The following CACNG5 variants were observed in gnomAD, a reference collection of about 807,000 sequenced individuals.
CACNG5 encodes voltage-dependent calcium channel gamma-5 subunit.
A neutral mutation model predicts 24.8 loss-of-function variants in CACNG5; 18 were observed. That is an observed-to-expected ratio of 0.73 (90% CI 0.50 to 1.08). The LOEUF (loss-of-function observed/expected upper bound fraction) is 1.08. CACNG5 is among the 50% of genes least tolerant of loss of function. The pLI is 0.00. For synonymous variants in CACNG5, 157 were observed against 149.1 expected, an observed-to-expected ratio of 1.05 and a Z score of -0.39; for missense variants, 349 against 367.9, an observed-to-expected ratio of 0.95 and a Z score of 0.42.
intron 1 of CACNG5, among the ~76,000 whole-genome samples, chr17:66,861,226 G>A (rs1290706079): frequency 1.3e-5 from 2 of 152,304 alleles, no homozygotes; most frequent in Non-Finnish European, 2.9e-5. Context: ...ATGACATCAA[G>A]TGGTAACTCA....
chr17:66,870,457 G>T (rs1000952412), intron 1 of CACNG5, among the ~76,000 whole-genome samples: 3 of 152,200 alleles, frequency 2.0e-5, no homozygotes, highest in Non-Finnish European at 4.4e-5. Context: ...ACCAACATCT[G>T]GTGGATAGAG....
chr17:66,855,331 C>G (rs1387478523), intron 1 of CACNG5, among the ~76,000 whole-genome samples: 2 of 152,214 alleles, frequency 1.3e-5, no homozygotes, highest in African/African-American at 2.4e-5. Context: ...TAATTGGCCC[C>G]AGGCCCGGGG....
chr17:66,874,430 G>A (rs1335424905), intron 1 of CACNG5, among the ~76,000 whole-genome samples: 2 of 152,270 alleles, frequency 1.3e-5, no homozygotes, highest in Admixed American at 1.3e-4. Context: ...AGACGTTCAA[G>A]GCCATATCCC....
chr17:66,838,687 G>A (rs902806248), intron 1 of CACNG5, among the ~76,000 whole-genome samples: 7 of 152,046 alleles, frequency 4.6e-5, no homozygotes, highest in African/African-American at 1.7e-4. Context: ...GATGATTCTC[G>A]ACCACATCTA....
intron 4 of CACNG5, among the ~76,000 whole-genome samples, chr17:66,882,235 T>C (rs1977169561): frequency 1.3e-5 from 2 of 152,128 alleles, no homozygotes; most frequent in South Asian, 4.1e-4. Flanking sequence ...TAAGTGCCAA[T>C]TTCTTGCTTG....
At chr17:66,865,385 A>G (rs547634394) in intron 1 of CACNG5, among the ~76,000 whole-genome samples, 11 of 152,060 alleles carry the variant, frequency 7.2e-5, no homozygotes, top group Non-Finnish European at 1.5e-4. Context: ...TCTGCTTTAC[A>G]TAGGAGGTCT....
At chr17:66,871,232 T>C (rs1264486642) in intron 1 of CACNG5, among the ~76,000 whole-genome samples, 2 of 152,206 alleles carry the variant, frequency 1.3e-5, no homozygotes, top group Non-Finnish European at 2.9e-5. Flanking sequence ...CTGGCTACGC[T>C]GACACTGAGT....
intron 1 of CACNG5, among the ~76,000 whole-genome samples, chr17:66,844,106 A>G (rs1198881338): frequency 6.6e-6 from 1 of 152,152 alleles, no homozygotes; most frequent in African/African-American, 2.4e-5. Flanking sequence ...AGGTAGCAGG[A>G]TGATAGAGTA....
intron 1 of CACNG5, among the ~76,000 whole-genome samples, chr17:66,868,524 A>G (rs1976960481): frequency 6.6e-6 from 1 of 152,214 alleles, no homozygotes; most frequent in Non-Finnish European, 1.5e-5. Flanking sequence ...TGGGGTCAGC[A>G]GGGAAAACAG....
At chr17:66,869,850 G>A (rs1231501746) in intron 1 of CACNG5, among the ~76,000 whole-genome samples, 3 of 152,134 alleles carry the variant, frequency 2.0e-5, no homozygotes, top group Admixed American at 6.5e-5. Context: ...TTGGGAGGCC[G>A]AGGTGGGTGG....
intron 4 of CACNG5, among the ~76,000 whole-genome samples, chr17:66,881,063 C>T (rs949000892): frequency 2.0e-5 from 3 of 152,170 alleles, no homozygotes; most frequent in Non-Finnish European, 4.4e-5. Flanking sequence ...CTGTTTAACT[C>T]CCAAAAGGCT....
chr17:66,866,804 C>T (rs747650971), intron 1 of CACNG5, among the ~76,000 whole-genome samples: 3 of 152,162 alleles, frequency 2.0e-5, no homozygotes, highest in Non-Finnish European at 4.4e-5. Flanking sequence ...TGATCTCATT[C>T]CTTTTTAAGG....
chr17:66,889,498 G>A lies in CACNG5; in HGVS notation c.*4258G>A, dbSNP rs189110369. Among the ~76,000 whole-genome samples the A allele has an allele frequency of 6.6e-6, 1 of 152,190 alleles. No individual in the cohort carries two copies. Among genetic ancestry groups the A allele is most frequent in the Admixed American group, 6.5e-5 (1 of 15,284 alleles). ...TCCCTAGATACAGGTGGTCTATCAG[G>A]GTTCTCCAGAAAAACAGAATCAACA... On this transcript the variant is annotated 3_prime_UTR_variant, in exon 6 of 6. Transcript: ENST00000533854.
chr17:66,850,706 C>T (rs935482596), intron 1 of CACNG5, among the ~76,000 whole-genome samples: 1 of 152,102 alleles, frequency 6.6e-6, no homozygotes, highest in Non-Finnish European at 1.5e-5. Context: ...TCCTCCTCTC[C>T]TCCATCCATA....
intron 1 of CACNG5, among the ~76,000 whole-genome samples, chr17:66,872,266 G>A (rs1183355853): frequency 1.3e-5 from 2 of 152,134 alleles, no homozygotes; most frequent in African/African-American, 4.8e-5. Flanking sequence ...ATTTTATCTT[G>A]TGATAGCAAC....
Position 66,888,754 on chromosome 17 carries a change from G to A in CACNG5, c.*3514G>A, listed in dbSNP as rs11650780. Among the ~76,000 whole-genome samples the A allele has an allele frequency of 0.24, 35,966 of 151,704 alleles. 4,361 individuals carry two copies. Among genetic ancestry groups the A allele is most frequent in the Middle Eastern group, 0.34 (100 of 294 alleles). ...GTGTGTGGGAGAAGTTTATGGCAGG[G>A]TTGGAAAGTCTCTGGTCAGAGAAGA... On this transcript the variant is annotated 3_prime_UTR_variant, in exon 6 of 6. Coordinates refer to ENST00000533854, the MANE Select transcript of CACNG5 (RefSeq NM_145811.3).
intron 1 of CACNG5, among the ~76,000 whole-genome samples, chr17:66,868,410 C>CA (rs1976958400): frequency 6.6e-6 from 1 of 152,178 alleles, no homozygotes; most frequent in South Asian, 2.1e-4. Context: ...CCTCACACTC[C>CA]AAAAGCATAA....
At chr17:66,884,487 G>A (rs776739087) in intron 4 of CACNG5, 29 bp from the exon 5 acceptor site, 1 of 1,581,590 alleles carries the variant, frequency 6.3e-7, no homozygotes. Context: ...TCTGGGCTGA[G>A]CATCCCCTCT....
intron 1 of CACNG5, among the ~76,000 whole-genome samples, chr17:66,841,120 TTA>T (rs1261955465): frequency 6.6e-6 from 1 of 152,116 alleles, no homozygotes; most frequent in Non-Finnish European, 1.5e-5. Context: ...CAGCTTGGTT[TTA>T]TATGTTTCAG....
Sources: gnomAD v4.1 joint callset for allele counts (sites outside exome capture counted in the v4.1 genomes callset) on GRCh38, gnomAD v4.1.1 for gene constraint, MANE v1.5 for transcripts, NCBI Gene and HGNC (gene_info 2026-07-23, HGNC 2026-07-21) for gene names.